Variants in CDC14B observed in about 807,000 individuals in gnomAD.
CDC14B encodes the protein cell division cycle 14B.
A neutral mutation model predicts 64.2 loss-of-function variants in CDC14B; 22 were observed. That is an observed-to-expected ratio of 0.34 (90% confidence interval 0.24 to 0.49). The LOEUF (loss-of-function observed/expected upper bound fraction) is 0.49. CDC14B is among the 20% of genes least tolerant of loss of function. The pLI is 0.99. For synonymous variants in CDC14B, 191 were observed against 215.8 expected (o/e 0.89, Z 1.01); for missense variants, 498 against 629.9 (o/e 0.79, Z 2.24).
chr9:96,585,286 G>A (rs1845395086), intron 1 of CDC14B, among the ~76,000 whole-genome samples: 1 of 151,436 alleles, frequency 6.6e-6, no homozygotes, highest in Admixed American at 6.6e-5. Context: ...GTGGTTTGCT[G>A]CACCCATCAA....
chr9:96,512,573 C>T (rs1373083276), intron 12 of CDC14B, among the ~76,000 whole-genome samples: 1 of 152,126 alleles, frequency 6.6e-6, no homozygotes, highest in Non-Finnish European at 1.5e-5. Flanking sequence ...ATTCTCTTTC[C>T]TCGACCTTCC....
At chr9:96,607,438 T>TA (rs1268438988) in intron 1 of CDC14B, among the ~76,000 whole-genome samples, 1 of 141,338 alleles carries the variant, frequency 7.1e-6, no homozygotes, top group Non-Finnish European at 1.5e-5. Context: ...TTTTTTTTTT[T>TA]AAGATAGAGT....
At chr9:96,494,391 T>C (rs1055319200) in intron 13 of CDC14B, among the ~76,000 whole-genome samples, 1 of 152,242 alleles carries the variant, frequency 6.6e-6, no homozygotes, top group African/African-American at 2.4e-5. Context: ...AGCAGGGTAC[T>C]GCACACTGCA....
intron 12 of CDC14B, among the ~76,000 whole-genome samples, chr9:96,511,537 C>T (rs1266288057): frequency 6.6e-6 from 1 of 152,242 alleles, no homozygotes; most frequent in Non-Finnish European, 1.5e-5. Context: ...TGCCACTGCA[C>T]TCCAGCCTGG....
At chr9:96,587,576 C>T (rs1845524231) in intron 1 of CDC14B, among the ~76,000 whole-genome samples, 2 of 152,210 alleles carry the variant, frequency 1.3e-5, no homozygotes, top group African/African-American at 4.8e-5. Flanking sequence ...ATGCCTGTTT[C>T]ATAAACAAGT....
chr9:96,507,564 C>T lies in CDC14B; in HGVS notation c.1460+2109G>A, dbSNP rs895434655. Reference sequence around the variant, plus strand: ...CCGAGTAGCTGGGATTACAGGCACCCGCCACTGCACCCAGCTAATTTTTGT... The same window carrying T: ...CCGAGTAGCTGGGATTACAGGCACCTGCCACTGCACCCAGCTAATTTTTGT... On this transcript the variant is annotated intron_variant, in intron 13 of 13. Coordinates refer to ENST00000375241, the MANE Select transcript of CDC14B (RefSeq NM_033331.4). 5.3e-5 allele frequency among the ~76,000 whole-genome samples: 8 copies of T among 151,630 alleles called. No homozygotes were observed. In the South Asian group the frequency reaches 1.3e-3, roughly 24 times the overall value.
chr9:96,576,814 G>A (rs779433798), intron 1 of CDC14B, among the ~76,000 whole-genome samples: 1 of 152,056 alleles, frequency 6.6e-6, no homozygotes, highest in Admixed American at 6.6e-5. Context: ...TGACCCAATA[G>A]ATAGAACTGT....
rs1241971467 is a variant in CDC14B at position 96,502,537 on chromosome 9, C to A, written c.*1216G>T. The A allele has an allele frequency of 4.5e-6, 1 of 221,470 alleles. No homozygotes were observed. The highest frequency in any genetic ancestry group is 5.8e-5 in the Admixed American group (1 of 17,382). The allele number at this position is 221,470 out of a possible 1,614,324, so 13.7% of individuals were successfully genotyped here. ...AATGGCTTAACAATCATTAAACCAC[C>A]CACTTCTTATGGAAGGAACTGAGGT... On this transcript the variant is annotated 3_prime_UTR_variant, in exon 14 of 14. Coordinates refer to ENST00000375241, the MANE Select transcript of CDC14B (RefSeq NM_033331.4).
intron 1 of CDC14B, among the ~76,000 whole-genome samples, chr9:96,617,502 C>T (rs1354367503): frequency 6.6e-5 from 10 of 152,154 alleles, no homozygotes; most frequent in African/African-American, 1.9e-4. Flanking sequence ...TTGGCCTAAG[C>T]AGTAATTAAA....
At chr9:96,568,570 C>G (rs1280037764) in intron 1 of CDC14B, among the ~76,000 whole-genome samples, 1 of 152,088 alleles carries the variant, frequency 6.6e-6, no homozygotes, top group Non-Finnish European at 1.5e-5. Context: ...TAAACTGGGC[C>G]ACCTCCATGG....
intron 7 of CDC14B, among the ~76,000 whole-genome samples, chr9:96,537,866 G>A (rs1437490779): frequency 6.6e-6 from 1 of 152,022 alleles, no homozygotes; most frequent in African/African-American, 2.4e-5. Flanking sequence ...GGGACTACAG[G>A]CGCCCACCAC....
chr9:96,551,281 TAATTTTTTTTAA>T (rs1841798961), intron 5 of CDC14B, among the ~76,000 whole-genome samples: 2 of 151,964 alleles, frequency 1.3e-5, no homozygotes, highest in Non-Finnish European at 2.9e-5. Flanking sequence ...CACGCCTGGC[TAATTTTTTTTAA>T]AATTTTTTTA....
intron 1 of CDC14B, among the ~76,000 whole-genome samples, chr9:96,582,467 T>C (rs1845212912): frequency 6.6e-6 from 1 of 152,202 alleles, no homozygotes; most frequent in African/African-American, 2.4e-5. Context: ...TCTGCCTCTT[T>C]TAAAAAGTTC....
At chr9:96,579,021 T>C (rs895135669) in intron 1 of CDC14B, among the ~76,000 whole-genome samples, 5 of 152,078 alleles carry the variant, frequency 3.3e-5, no homozygotes, top group Non-Finnish European at 7.4e-5. Context: ...TTTCACCATG[T>C]TGGCCAGGCT....
At chr9:96,586,644 C>G (rs1845467042) in intron 1 of CDC14B, among the ~76,000 whole-genome samples, 2 of 152,024 alleles carry the variant, frequency 1.3e-5, no homozygotes, top group African/African-American at 4.8e-5. Flanking sequence ...CCATGTTGCT[C>G]AGGATGGGCT....
downstream of CDC14B, chr9:96,496,274 CT>C: frequency 2.0e-6 from 1 of 508,402 alleles, no homozygotes; most frequent in Non-Finnish European, 3.9e-6. Context: ...CAGGAGAGAC[CT>C]TCCCCGCAGG....
chr9:96,523,783 T>C (rs1837142977), intron 9 of CDC14B, 58 bp from the exon 10 acceptor site: 2 of 1,573,276 alleles, frequency 1.3e-6, no homozygotes, highest in Non-Finnish European at 1.7e-6. Flanking sequence ...CAGGATTTTG[T>C]TGGGCAGGCA....
intron 1 of CDC14B, among the ~76,000 whole-genome samples, chr9:96,573,733 A>G (rs1844616123): frequency 6.6e-6 from 1 of 152,228 alleles, no homozygotes; most frequent in African/African-American, 2.4e-5. Flanking sequence ...ATGCTGATGT[A>G]TGAATTAAAT....
intron 9 of CDC14B, among the ~76,000 whole-genome samples, chr9:96,530,417 G>A (rs1264029740): frequency 2.0e-5 from 3 of 148,888 alleles, no homozygotes; most frequent in Admixed American, 1.3e-4. Flanking sequence ...CTTAGCATGC[G>A]CCACGCCCGG....
Sources: gnomAD v4.1 joint callset for allele counts (sites outside exome capture counted in the v4.1 genomes callset) on GRCh38, gnomAD v4.1.1 for gene constraint, MANE v1.5 for transcripts, NCBI Gene and HGNC (gene_info 2026-07-23, HGNC 2026-07-21) for gene names.